Variants in ST3GAL5 observed in about 807,000 individuals in gnomAD.
ST3GAL5 encodes ST3 beta-galactoside alpha-2,3-sialyltransferase 5.
Under a neutral mutation model 46.1 loss-of-function variants are expected in ST3GAL5, and 25 were observed. That is an observed-to-expected ratio of 0.54 (90% CI 0.40 to 0.76). ST3GAL5 has a LOEUF of 0.76. Among genes scored for constraint, ST3GAL5 ranks in the 30% least tolerant of loss-of-function variants. The pLI is 0.00. For synonymous variants in ST3GAL5, 182 were observed against 192.7 expected, an observed-to-expected ratio of 0.94 and a Z score of 0.46; for missense variants, 431 against 521.2, an observed-to-expected ratio of 0.83 and a Z score of 1.69.
At chr2:85,862,968 C>T (rs551311294) in intron 2 of ST3GAL5, among the ~76,000 whole-genome samples, 23 of 152,222 alleles carry the variant, frequency 1.5e-4, no homozygotes, top group Admixed American at 4.6e-4. Flanking sequence ...TTTTAGTATT[C>T]GATATTTAAC....
Position 85,847,442 on chromosome 2 carries a change from AT to A in ST3GAL5, c.662+418del, listed in dbSNP as rs369263884. Reference sequence around the variant, plus strand: ...GTATGACAGTTTGGAGCATCCAACCATTTTGTGTTTTTGTTTCAACTTCTCA... The same window carrying A: ...GTATGACAGTTTGGAGCATCCAACCATTTGTGTTTTTGTTTCAACTTCTCA... On this transcript the variant is annotated intron_variant, in intron 4 of 6. Coordinates refer to ENST00000638572, the MANE Select transcript of ST3GAL5 (RefSeq NM_003896.4). 6.7e-4 allele frequency: 677 copies of A among 1,011,680 alleles called. 5 individuals are homozygous for A. The African/African-American group carries it at 0.011, about 16-fold the overall frequency. The allele number at this position is 1,011,680 out of a possible 1,614,324, so 62.7% of individuals were successfully genotyped here. A position where few individuals can be genotyped will look rare whatever the true frequency, so the allele number is the denominator to read the frequency against.
chr2:85,879,234 G>C (rs1353398347), intron 1 of ST3GAL5, among the ~76,000 whole-genome samples: 1 of 152,142 alleles, frequency 6.6e-6, no homozygotes, highest in South Asian at 2.1e-4. Flanking sequence ...GGCCAACCAA[G>C]AGATGTGGAG....
chr2:85,840,156 A>C lies in ST3GAL5; in HGVS notation c.1245T>G (p.Asp415Glu). The C allele has an allele frequency of 6.2e-7, 1 of 1,614,186 alleles. No individual in the cohort carries two copies. Among genetic ancestry groups the C allele is most frequent in the Non-Finnish European group, 8.5e-7 (1 of 1,180,028 alleles). Residue 415 changes from aspartate (D) to glutamate (E), a missense_variant, in exon 7 of 7, where the codon GAT (aspartate) becomes GAG (glutamate). Physicochemically the swap from Asp to Glu is conservative, Grantham distance 45 (BLOSUM62 2). Transcript: ENST00000638572. Reference protein sequence around the residue: ...GVVKDLSGGIDREF With the variant: ...GVVKDLSGGIEREF ...AGGTTTTCTGTGTTCAAAATTCACGATCAATGCCTCCACTGAGATCTTTCA... is the reference window on the plus strand; with the variant it reads ...AGGTTTTCTGTGTTCAAAATTCACGCTCAATGCCTCCACTGAGATCTTTCA...
At chr2:85,882,417 T>C (rs1687258248) in intron 1 of ST3GAL5, among the ~76,000 whole-genome samples, 1 of 152,086 alleles carries the variant, frequency 6.6e-6, no homozygotes, top group Non-Finnish European at 1.5e-5. Flanking sequence ...TGAAAGTGGC[T>C]AGGAGGGAGG....
intron 1 of ST3GAL5, among the ~76,000 whole-genome samples, chr2:85,870,851 A>AT (rs35899858): frequency 0.18 from 26,761 of 151,666 alleles, 2,807 homozygotes; most frequent in South Asian, 0.34. Context: ...TAATTTTTGT[A>AT]TTTTCAGTAG....
chr2:85,861,259 A>T lies in ST3GAL5; in HGVS notation c.240T>A (p.Leu80=). ...CTLLVFGVWI[L]YILKLNYTTE... is the part of the protein sequence containing the mutation. ...TAGTATAATTTAACTTGAGGATATAAAGGATCCACACTCCAAACACAAGCA... is the reference window on the plus strand; with the variant it reads ...TAGTATAATTTAACTTGAGGATATATAGGATCCACACTCCAAACACAAGCA... Residue 80 remains leucine (L), a synonymous_variant, in exon 3 of 7, where the codon CTT becomes CTA. Transcript: ENST00000638572. 1 of 1,613,308 alleles carries T rather than the reference A, an allele frequency of 6.2e-7. No individual in the cohort carries two copies. Among genetic ancestry groups the T allele is most frequent in the Non-Finnish European group, 8.5e-7 (1 of 1,179,412 alleles).
intron 1 of ST3GAL5, among the ~76,000 whole-genome samples, chr2:85,879,505 C>A (rs78622110): frequency 0.044 from 6,746 of 152,252 alleles, 214 homozygotes; most frequent in East Asian, 0.11. Flanking sequence ...GCCCCTAGAA[C>A]TGCCCCTCCC....
chr2:85,884,399 G>A (rs148681280), intron 1 of ST3GAL5, among the ~76,000 whole-genome samples: 187 of 152,278 alleles, frequency 1.2e-3, no homozygotes, highest in African/African-American at 4.3e-3. Context: ...TAAGAGTTTA[G>A]AAATGGAAAC....
chr2:85,851,425 G>T (rs368749309), intron 3 of ST3GAL5: 1 of 1,205,842 alleles, frequency 8.3e-7, no homozygotes, highest in South Asian at 1.5e-5. Context: ...TGGAGACAGG[G>T]CTTTTTCTGT....
At chr2:85,886,609 C>A (rs2104267479) in intron 1 of ST3GAL5, among the ~76,000 whole-genome samples, 1 of 152,194 alleles carries the variant, frequency 6.6e-6, no homozygotes, top group South Asian at 2.1e-4. Flanking sequence ...TGGTAGTGTC[C>A]TTGAAGCCTC....
intron 1 of ST3GAL5, among the ~76,000 whole-genome samples, chr2:85,866,736 A>G (rs1330144998): frequency 2.0e-5 from 3 of 152,190 alleles, no homozygotes; most frequent in Non-Finnish European, 4.4e-5. Context: ...ACCACAATGA[A>G]CTGAATTTTC....
chr2:85,859,901 T>A (rs1199610581), intron 3 of ST3GAL5, among the ~76,000 whole-genome samples: 1 of 152,168 alleles, frequency 6.6e-6, no homozygotes, highest in Non-Finnish European at 1.5e-5. Context: ...GTAAAACATT[T>A]AAGCTCTTTC....
At chr2:85,847,175 C>T (rs1405817269) in intron 4 of ST3GAL5, among the ~76,000 whole-genome samples, 1 of 152,196 alleles carries the variant, frequency 6.6e-6, no homozygotes, top group African/African-American at 2.4e-5. Context: ...CTGAACTTCT[C>T]TGTGTGCCTT....
rs1157993311 is a variant in ST3GAL5 at position 85,851,668 on chromosome 2, G to A, written c.319-3464C>T. ...CTTGCCCATAGCTCACAGCTCAGAAGAAAGTGCCTCAAGGCGAGTGCCGCA... is the reference window on the plus strand; with the variant it reads ...CTTGCCCATAGCTCACAGCTCAGAAAAAAGTGCCTCAAGGCGAGTGCCGCA... On this transcript the variant is annotated intron_variant, in intron 3 of 6. Transcript: ENST00000638572. 7.0e-6 allele frequency: 9 copies of A among 1,289,418 alleles called. No homozygotes were observed. The East Asian group carries it at 2.2e-4, about 32-fold the overall frequency. 79.9% of individuals were successfully genotyped at this position (1,289,418 alleles called of 1,614,324 possible). A position where few individuals can be genotyped will look rare whatever the true frequency, so the allele number is the denominator to read the frequency against.
intron 2 of ST3GAL5, 38 bp from the exon 3 acceptor site, chr2:85,861,330 G>T: frequency 1.5e-6 from 2 of 1,327,278 alleles, no homozygotes; most frequent in Non-Finnish European, 1.1e-6. Flanking sequence ...ATGTAGTCAT[G>T]TGAGAATCAT....
chr2:85,878,525 A>G (rs1686816416), intron 1 of ST3GAL5, among the ~76,000 whole-genome samples: 2 of 149,332 alleles, frequency 1.3e-5, no homozygotes, highest in Non-Finnish European at 3.0e-5. Flanking sequence ...AAGTTAATTC[A>G]TAACATACAA....
At chr2:85,862,587 A>G (rs369803205) in intron 2 of ST3GAL5, among the ~76,000 whole-genome samples, 53 of 152,240 alleles carry the variant, frequency 3.5e-4, no homozygotes, top group African/African-American at 1.3e-3. Flanking sequence ...GAGCGAGTCC[A>G]CCTCACCCAC....
intron 6 of ST3GAL5, among the ~76,000 whole-genome samples, chr2:85,842,904 G>A (rs1682322235): frequency 6.6e-6 from 1 of 151,936 alleles, no homozygotes; most frequent in Admixed American, 6.6e-5. Context: ...GAAATTACAG[G>A]CACGCGCCAC....
In ST3GAL5 at chr2:85,839,376, G is replaced by C. The variant is rs1681739053; in HGVS notation, c.*768C>G. On this transcript the variant is annotated 3_prime_UTR_variant, in exon 7 of 7. Transcript: ENST00000638572. ...CTGATTTTTTAAGTCACCTCAGACA[G>C]ACACTGGAACACGTTAGATCTAACA... 1 of 152,304 alleles carries C rather than the reference G, an allele frequency of 6.6e-6. No homozygotes were observed. Among genetic ancestry groups the C allele is most frequent in the Non-Finnish European group, 1.5e-5 (1 of 68,146 alleles). 9.4% of individuals were successfully genotyped at this position (152,304 alleles called of 1,614,324 possible).
Sources: gnomAD v4.1 joint callset for allele counts (sites outside exome capture counted in the v4.1 genomes callset) on GRCh38, gnomAD v4.1.1 for gene constraint, MANE v1.5 for transcripts, NCBI Gene and HGNC (gene_info 2026-07-23, HGNC 2026-07-21) for gene names.